NBEAL1: variants seen among roughly 807,000 people sequenced by gnomAD.
NBEAL1 encodes the protein neurobeachin-like protein 1.
A neutral mutation model predicts 351.3 loss-of-function variants in NBEAL1; 273 were observed. That is an observed-to-expected ratio of 0.78 (90% confidence interval 0.70 to 0.86). The LOEUF is 0.86. NBEAL1 is among the 40% of genes least tolerant of loss of function. The probability of loss-of-function intolerance (pLI) is 0.00; values close to 1 mark genes in which losing one functional copy is unlikely to be tolerated. For missense variants in NBEAL1, 2,961 were observed against 3,201.3 expected (o/e 0.92, Z 1.81); for synonymous variants, 1,050 against 1,086.4 (o/e 0.97, Z 0.66).
intron 4 of NBEAL1, among the ~76,000 whole-genome samples, chr2:203,055,603 T>C (rs913404388): frequency 7.5e-6 from 1 of 132,806 alleles, no homozygotes; most frequent in Admixed American, 7.5e-5. Context: ...AGATCCCATC[T>C]CTTAAAAAAA....
In NBEAL1 at chr2:203,222,663, G is replaced by A. The variant is rs1381195990; in HGVS notation, c.*5309G>A. Among the ~76,000 whole-genome samples, 1 of 151,968 alleles carries A rather than the reference G, an allele frequency of 6.6e-6. No individual in the cohort carries two copies. The highest frequency in any genetic ancestry group is 1.9e-4 in the East Asian group (1 of 5,188). On this transcript the variant is annotated 3_prime_UTR_variant, in exon 56 of 56. Transcript: ENST00000683969. ...ATCTGTTTGCTAATATTAGTTCCTG[G>A]TGACTTTCAGTGAACGTTTTGCAAA...
intron 38 of NBEAL1, among the ~76,000 whole-genome samples, chr2:203,168,893 C>CAAAA (rs35683401): frequency 4.1e-5 from 4 of 97,208 alleles, no homozygotes; most frequent in Non-Finnish European, 1.9e-5. Context: ...GACTCCATCT[C>CAAAA]AAAAAAAAAA....
upstream of NBEAL1, chr2:203,014,645 C>G (rs1474492425): frequency 1.3e-5 from 2 of 152,304 alleles, no homozygotes; most frequent in African/African-American, 2.4e-5. Flanking sequence ...AGGCTCGTTT[C>G]AGTGCCGCGG....
chr2:203,078,155 C>A (rs750887159), intron 8 of NBEAL1, among the ~76,000 whole-genome samples: 1 of 152,042 alleles, frequency 6.6e-6, no homozygotes, highest in Non-Finnish European at 1.5e-5. Context: ...TTGATGAAAT[C>A]GAAGTCTAGT....
chr2:203,089,180 A>G (rs904518622), intron 10 of NBEAL1, among the ~76,000 whole-genome samples: 9 of 152,016 alleles, frequency 5.9e-5, no homozygotes, highest in Admixed American at 5.9e-4. Context: ...CCAACATGGC[A>G]AAACCCTGTC....
intron 49 of NBEAL1, 121 bp from the exon 50 acceptor site, chr2:203,201,421 AT>A: frequency 1.4e-6 from 1 of 726,496 alleles, no homozygotes; most frequent in East Asian, 3.0e-5. Context: ...ATTAATAGAC[AT>A]TTCAAATAGG....
intron 6 of NBEAL1, chr2:203,061,744 A>G (rs917554054): frequency 3.6e-5 from 6 of 164,528 alleles, no homozygotes. Flanking sequence ...GTTTCTCTCC[A>G]CTATGAGTTA....
At chr2:203,200,244 G>A (rs2065357263) in intron 49 of NBEAL1, among the ~76,000 whole-genome samples, 1 of 152,146 alleles carries the variant, frequency 6.6e-6, no homozygotes, top group African/African-American at 2.4e-5. Context: ...CGGGTGTGGT[G>A]GCTCACACCT....
intron 34 of NBEAL1, among the ~76,000 whole-genome samples, chr2:203,150,490 A>G (rs1025308560): frequency 1.3e-5 from 2 of 152,036 alleles, no homozygotes; most frequent in African/African-American, 4.8e-5. Context: ...ATTTTCAGGT[A>G]TGTAGATTGT....
intron 9 of NBEAL1, among the ~76,000 whole-genome samples, chr2:203,083,976 C>CTGTGTGTGTGTGTGTGTGTG (rs59252809): frequency 1.5e-5 from 2 of 134,196 alleles, no homozygotes; most frequent in East Asian, 2.3e-4. Flanking sequence ...TCCTCAGAGC[C>CTGTGTGTGTGTGTGTGTGTG]TGTGTGTGTG....
chr2:203,190,567 G>A (rs902555759), intron 46 of NBEAL1, 178 bp downstream of exon 46: 2 of 673,690 alleles, frequency 3.0e-6, no homozygotes, highest in African/African-American at 3.7e-5. Context: ...GTACCTATTA[G>A]GGTATGCCAT....
At chr2:203,014,796 C>G (rs2060648477), upstream of NBEAL1, 1 of 152,324 alleles carries the variant, frequency 6.6e-6, no homozygotes, top group South Asian at 2.1e-4. Flanking sequence ...TGGGTAAATC[C>G]TCAGCGGCCG....
intron 2 of NBEAL1, among the ~76,000 whole-genome samples, chr2:203,022,918 C>A (rs921251714): frequency 2.6e-5 from 4 of 152,130 alleles, no homozygotes; most frequent in Admixed American, 6.6e-5. Context: ...TGATGATGCT[C>A]CATTTCCTGC....
intron 27 of NBEAL1, among the ~76,000 whole-genome samples, chr2:203,134,809 GT>G (rs533775317): frequency 6.6e-4 from 101 of 152,272 alleles, no homozygotes; most frequent in African/African-American, 2.2e-3. Flanking sequence ...TGGAATTAAA[GT>G]TTAGTTTTTG....
chr2:203,145,045 C>A lies in NBEAL1; in HGVS notation c.5189C>A (p.Thr1730Lys), dbSNP rs1400046584. 1.2e-6 allele frequency: 2 copies of A among 1,608,380 alleles called. No individual in the cohort carries two copies. The highest frequency in any genetic ancestry group is 1.7e-6 in the Non-Finnish European group (2 of 1,177,722). ...VPYMKQYEAH[T>K]FYDGHENMAL... ...TATATGAAGCAGTATGAAGCTCATA[C>A]ATTTTACGATGGTCATGAGAACATG... The change falls in exon 33 of 56, where the codon ACA (threonine) becomes AAA (lysine). Residue 1730 changes from threonine to lysine, a missense_variant. By Grantham distance (78) the Thr-to-Lys change is moderately conservative (BLOSUM62 -1). Coordinates refer to ENST00000683969, the MANE Select transcript of NBEAL1 (RefSeq NM_001378026.1).
chr2:203,116,174 G>T, intron 18 of NBEAL1, 104 bp downstream of exon 18: 1 of 785,676 alleles, frequency 1.3e-6, no homozygotes, highest in South Asian at 1.7e-5. Flanking sequence ...AAAAGGAGGG[G>T]TTTGAATTGC....
intron 27 of NBEAL1, among the ~76,000 whole-genome samples, chr2:203,133,625 C>G (rs1007557726): frequency 1.3e-5 from 2 of 151,698 alleles, no homozygotes; most frequent in African/African-American, 4.8e-5. Context: ...CTGTCCTCCA[C>G]TAGTAACCAT....
At chr2:203,197,820 A>G (rs2065281054) in intron 48 of NBEAL1, among the ~76,000 whole-genome samples, 1 of 151,964 alleles carries the variant, frequency 6.6e-6, no homozygotes, top group African/African-American at 2.4e-5. Flanking sequence ...GAGGCAGGAG[A>G]ATCACTTGAA....
Position 203,026,506 on chromosome 2 carries a change from A to ATT in NBEAL1, c.51+10086_51+10087dup, listed in dbSNP as rs199701939. Among the ~76,000 whole-genome samples, 766 of 143,238 alleles carry ATT rather than the reference A, an allele frequency of 5.3e-3. 9 individuals carry two copies. Among genetic ancestry groups the ATT allele is most frequent in the African/African-American group, 0.017 (671 of 39,094 alleles). 94.0% of individuals were successfully genotyped at this position (143,238 alleles called of 152,430 possible). ...TGGTATTCAGTAGTTGCCATTTTAA[A>ATT]TTTTTTTTTTTTTTTTGAGACAGTC... On this transcript the variant is annotated intron_variant, in intron 2 of 55. Transcript: ENST00000683969.
Sources: allele counts gnomAD v4.1 joint callset (sites outside exome capture counted in the v4.1 genomes callset), GRCh38; gene constraint gnomAD v4.1.1; transcripts MANE v1.5; gene names NCBI Gene and HGNC (gene_info 2026-07-23, HGNC 2026-07-21).